PCDHGA3: variants seen among roughly 807,000 people sequenced by gnomAD.
PCDHGA3 encodes the protein protocadherin gamma subfamily A, 3.
A neutral mutation model predicts 58.5 loss-of-function variants in PCDHGA3; 40 were observed. The ratio of observed to expected loss-of-function variants is 0.68; its 90% CI spans 0.53 to 0.89. PCDHGA3 has a LOEUF of 0.89. PCDHGA3 is among the 40% of genes least tolerant of loss of function. The pLI, the probability that PCDHGA3 is intolerant of heterozygous loss-of-function variation, is 0.00. For missense variants in PCDHGA3, 1,223 were observed against 1,195.9 expected, an observed-to-expected ratio of 1.02 and a Z score of -0.33; for synonymous variants, 530 against 525.7, an observed-to-expected ratio of 1.01 and a Z score of -0.11.
At chr5:141,372,221 G>T (rs1229058896) in intron 1 of PCDHGA3, 1 of 1,613,516 alleles carries the variant, frequency 6.2e-7, no homozygotes, top group African/African-American at 1.3e-5. Context: ...ACCACATTGT[G>T]CAGGCCAGCG....
chr5:141,459,886 G>A (rs932435611), intron 1 of PCDHGA3, among the ~76,000 whole-genome samples: 2 of 152,080 alleles, frequency 1.3e-5, no homozygotes, highest in Non-Finnish European at 2.9e-5. Context: ...TGAGCTGAAC[G>A]CCTTCTTAAA....
chr5:141,427,890 G>T lies in PCDHGA3; in HGVS notation c.2425-66917G>T, dbSNP rs1438515062. 1.9e-6 allele frequency: 3 copies of T among 1,566,844 alleles called. No homozygotes were observed. In the South Asian group the frequency reaches 3.3e-5, roughly 17 times the overall value. Reference sequence around the variant, plus strand: ...GCTCACGATGCAGGCCCACGACCAGGGCTCGCCCGCGCTCAGCGCCAACAT... The same window carrying T: ...GCTCACGATGCAGGCCCACGACCAGTGCTCGCCCGCGCTCAGCGCCAACAT... On this transcript the variant is annotated intron_variant, in intron 1 of 3. Transcript: ENST00000253812.
At chr5:141,433,694 G>T (rs539494151) in intron 1 of PCDHGA3, among the ~76,000 whole-genome samples, 1 of 152,126 alleles carries the variant, frequency 6.6e-6, no homozygotes, top group South Asian at 2.1e-4. Flanking sequence ...AAAATTAGCC[G>T]GGCGTGGTGG....
intron 1 of PCDHGA3, among the ~76,000 whole-genome samples, chr5:141,462,903 T>A (rs1455334521): frequency 6.6e-6 from 1 of 152,208 alleles, no homozygotes; most frequent in Non-Finnish European, 1.5e-5. Context: ...GGAAGGCTAT[T>A]ATGTTTTTTG....
At position 141,357,442 on chromosome 5, in the gene PCDHGA3, G is replaced by T. The variant is rs1247246465; in HGVS notation, c.2424+10985G>T. Reference sequence around the variant, plus strand: ...CTTTGTGGGCGTGGACGGGGTTCGGGCTTTCCTGCAGACCTATTCCCACGA... The same window carrying T: ...CTTTGTGGGCGTGGACGGGGTTCGGTCTTTCCTGCAGACCTATTCCCACGA... On this transcript the variant is annotated intron_variant, in intron 1 of 3. Coordinates refer to ENST00000253812, the MANE Select transcript of PCDHGA3 (RefSeq NM_018916.4). 6 of 1,614,092 alleles carry T rather than the reference G, an allele frequency of 3.7e-6. No individual in the cohort carries two copies. In the East Asian group the frequency reaches 1.3e-4, roughly 36 times the overall value.
intron 1 of PCDHGA3, chr5:141,471,339 C>G (rs537413312): frequency 2.6e-5 from 4 of 152,366 alleles, no homozygotes; most frequent in Admixed American, 2.6e-4. Context: ...GTATGATCCA[C>G]TGCGCCCGGC....
At chr5:141,400,592 G>T in intron 1 of PCDHGA3, 1 of 1,603,196 alleles carries the variant, frequency 6.2e-7, no homozygotes, top group Non-Finnish European at 8.5e-7. Context: ...TGAAACTATC[G>T]TACATTTTCA....
intron 1 of PCDHGA3, chr5:141,441,824 G>A (rs1561905347): frequency 5.6e-6 from 2 of 356,750 alleles, no homozygotes; most frequent in South Asian, 4.7e-5. Flanking sequence ...GCTCTGGAGC[G>A]CAATGGCTTC....
chr5:141,458,385 C>T (rs1371423838), intron 1 of PCDHGA3, among the ~76,000 whole-genome samples: 15 of 152,104 alleles, frequency 9.9e-5, no homozygotes, highest in East Asian at 1.9e-4. Context: ...AGAAGGAAGA[C>T]GCTCCCCCTT....
chr5:141,428,181 A>G, intron 1 of PCDHGA3: 2 of 1,486,230 alleles, frequency 1.3e-6, no homozygotes, highest in Non-Finnish European at 1.8e-6. Flanking sequence ...GACGGAGGAC[A>G]GCCGCCGCTC....
rs1417059875 is a variant in PCDHGA3 at position 141,496,499 on chromosome 5, G to C, written c.2483+1634G>C. 2.6e-5 allele frequency among the ~76,000 whole-genome samples: 4 copies of C among 152,102 alleles called. No individual in the cohort carries two copies. In the East Asian group the frequency reaches 7.7e-4, roughly 29 times the overall value. On this transcript the variant is annotated intron_variant, in intron 2 of 3. Coordinates refer to ENST00000253812, the MANE Select transcript of PCDHGA3 (RefSeq NM_018916.4). ...TCCTGCAACCAACCAAACCCTTGTT[G>C]CCACAAGGACCCAGGAGCCCTTGGT...
At position 141,491,121 on chromosome 5, in the gene PCDHGA3, G is replaced by T. The variant is rs1176877834; in HGVS notation, c.2425-3686G>T. On this transcript the variant is annotated intron_variant, in intron 1 of 3. Transcript: ENST00000253812. The surrounding 1 kb of genome is among the most constrained non-coding windows in gnomAD (Gnocchi z 6.9). ...TCCTCGTGTCTACACACACTGGTGA[G>T]GTGCGCACAGCCCGGGCCTTACTGG... 5 of 1,614,200 alleles carry T rather than the reference G, an allele frequency of 3.1e-6. No individual in the cohort carries two copies. In the South Asian group the frequency reaches 5.5e-5, roughly 18 times the overall value.
rs62379205 is a variant in PCDHGA3, at chr5:141,491,971, T to G, written c.2425-2836T>G. On this transcript the variant is annotated intron_variant, in intron 1 of 3. Coordinates refer to ENST00000253812, the MANE Select transcript of PCDHGA3 (RefSeq NM_018916.4). This position sits in a 1 kb window ranked among gnomAD's most constrained non-coding sequence, Gnocchi z 6.9. ...CCTACACTCAAAAAAGGCCGGGGCC[T>G]CCTTCGAGCTTCCGGTGAATTTCGG... The G allele has an allele frequency of 3.6e-6, 3 of 831,948 alleles. No homozygotes were observed. Among genetic ancestry groups the G allele is most frequent in the Admixed American group, 3.7e-5 (1 of 26,692 alleles). The allele number at this position is 831,948 out of a possible 1,614,324, so 51.5% of individuals were successfully genotyped here.
intron 1 of PCDHGA3, chr5:141,356,250 A>G (rs750081994): frequency 2.1e-5 from 33 of 1,575,134 alleles, no homozygotes; most frequent in Non-Finnish European, 2.8e-5. Flanking sequence ...TCACAGTTAC[A>G]TCTCTCACCA....
intron 1 of PCDHGA3, among the ~76,000 whole-genome samples, chr5:141,454,907 A>T (rs1304287479): frequency 1.4e-5 from 2 of 139,080 alleles, no homozygotes; most frequent in East Asian, 4.3e-4. Context: ...TCCCGGGTTC[A>T]CGCCATTCTC....
At chr5:141,498,796 G>C (rs1160540093) in intron 2 of PCDHGA3, among the ~76,000 whole-genome samples, 1 of 152,032 alleles carries the variant, frequency 6.6e-6, no homozygotes, top group African/African-American at 2.4e-5. Context: ...AGCCAGGTGT[G>C]GTGGTGCACA....
At position 141,476,676 on chromosome 5, in the gene PCDHGA3, G is replaced by A. The variant is rs753538822; in HGVS notation, c.2425-18131G>A. The A allele has an allele frequency of 6.2e-7, 1 of 1,614,222 alleles. No individual in the cohort carries two copies. The highest frequency in any genetic ancestry group is 8.5e-7 in the Non-Finnish European group (1 of 1,180,054). On this transcript the variant is annotated intron_variant, in intron 1 of 3. Transcript: ENST00000253812. The surrounding 1 kb of genome is among the most constrained non-coding windows in gnomAD (Gnocchi z 7.6). ...TACTTTGCGCTTCGCGTGCAGACGC[G>A]GGAGGACAGCACCAAGTACGCGGAG...
At chr5:141,492,578 G>A (rs1380328678) in intron 1 of PCDHGA3, among the ~76,000 whole-genome samples, 1 of 152,216 alleles carries the variant, frequency 6.6e-6, no homozygotes, top group Non-Finnish European at 1.5e-5. Flanking sequence ...CGAGGCGCGG[G>A]GCCAGGAGCG....
At position 141,511,563 on chromosome 5, in the gene PCDHGA3, C is replaced by T. The variant is rs911782127; in HGVS notation, c.*390C>T. ...CCCCACTCCAACAGTTCCTCTTTCCCGAGTAAGGTGGTTGGGGTGTTGAAG... is the reference window on the plus strand; with the variant it reads ...CCCCACTCCAACAGTTCCTCTTTCCTGAGTAAGGTGGTTGGGGTGTTGAAG... On this transcript the variant is annotated 3_prime_UTR_variant, in exon 4 of 4. Coordinates refer to ENST00000253812, the MANE Select transcript of PCDHGA3 (RefSeq NM_018916.4). The T allele has an allele frequency of 7.8e-5, 23 of 295,048 alleles. No homozygotes were observed. The highest frequency in any genetic ancestry group is 3.4e-4 in the African/African-American group (16 of 46,532). The allele number at this position is 295,048 out of a possible 1,614,324, so 18.3% of individuals were successfully genotyped here. A position where few individuals can be genotyped will look rare whatever the true frequency, so the allele number is the denominator to read the frequency against.
Sources: allele counts gnomAD v4.1 joint callset (sites outside exome capture counted in the v4.1 genomes callset), GRCh38; gene constraint gnomAD v4.1.1; non-coding constraint Gnocchi (gnomAD v3.1); transcripts MANE v1.5; gene names NCBI Gene and HGNC (gene_info 2026-07-23, HGNC 2026-07-21).